The following CFAP206 variants were observed in gnomAD, a reference collection of about 807,000 sequenced individuals.
CFAP206 encodes cilia- and flagella-associated protein 206.
In CFAP206, 53 loss-of-function variants were observed where a neutral mutation model predicts 65.4. That is an observed-to-expected ratio of 0.81 (90% CI 0.65 to 1.02). The LOEUF (loss-of-function observed/expected upper bound fraction) is 1.02, where lower values mean the gene tolerates loss of function less well. Among genes scored for constraint, CFAP206 ranks in the 50% least tolerant of loss-of-function variants. The probability of loss-of-function intolerance (pLI) is 0.00; values close to 1 mark genes in which losing one functional copy is unlikely to be tolerated. For missense variants in CFAP206, 663 were observed against 753.2 expected (o/e 0.88, Z 1.40); for synonymous variants, 250 against 254.4 (o/e 0.98, Z 0.17).
At chr6:87,432,167 T>C (rs1768170320) in intron 10 of CFAP206, among the ~76,000 whole-genome samples, 1 of 152,220 alleles carries the variant, frequency 6.6e-6, no homozygotes, top group Admixed American at 6.5e-5. Context: ...ATTTTTTTCT[T>C]TATTTCTTTT....
chr6:87,413,879 G>A lies in CFAP206; in HGVS notation c.262G>A (p.Asp88Asn), dbSNP rs377042908. Residue 88 changes from aspartate (D) to asparagine (N), a missense_variant, in exon 4 of 13, where the codon GAT becomes AAT. Transcript: ENST00000369562. ...LDTIKMQVYFDMNYTNRVEFL... is the reference protein window; with the variant it reads ...LDTIKMQVYFNMNYTNRVEFL... ...CACTATTAAGATGCAAGTCTACTTCGATATGAATTATACGAATCGAGGTAA... is the reference window on the plus strand; with the variant it reads ...CACTATTAAGATGCAAGTCTACTTCAATATGAATTATACGAATCGAGGTAA... 7.8e-6 allele frequency: 12 copies of A among 1,545,956 alleles called. No individual in the cohort carries two copies. The highest frequency in any genetic ancestry group is 1.3e-5 in the South Asian group (1 of 77,462).
At chr6:87,412,040 A>C (rs1164501157) in intron 3 of CFAP206, among the ~76,000 whole-genome samples, 1 of 152,206 alleles carries the variant, frequency 6.6e-6, no homozygotes, top group Non-Finnish European at 1.5e-5. Flanking sequence ...GCAGAAAATA[A>C]GTTGTTCTCC....
chr6:87,424,325 G>A (rs896609958), intron 7 of CFAP206, among the ~76,000 whole-genome samples: 1 of 152,038 alleles, frequency 6.6e-6, no homozygotes, highest in Non-Finnish European at 1.5e-5. Context: ...TGTTGCCCAA[G>A]CTGGAGTGCA....
intron 11 of CFAP206, among the ~76,000 whole-genome samples, chr6:87,437,340 TC>T (rs923618946): frequency 2.0e-5 from 3 of 152,032 alleles, no homozygotes; most frequent in African/African-American, 7.2e-5. Flanking sequence ...TGTTCAGGTT[TC>T]CCCTTCTGTA....
At chr6:87,429,650 T>C (rs1768123884) in intron 9 of CFAP206, among the ~76,000 whole-genome samples, 1 of 152,164 alleles carries the variant, frequency 6.6e-6, no homozygotes, top group Non-Finnish European at 1.5e-5. Context: ...CTATCTTAGC[T>C]AAAGATACTT....
intron 11 of CFAP206, among the ~76,000 whole-genome samples, chr6:87,455,267 C>T (rs1334618412): frequency 6.6e-6 from 1 of 152,048 alleles, no homozygotes; most frequent in Non-Finnish European, 1.5e-5. Flanking sequence ...AAACAATACG[C>T]TCCTTAATGA....
chr6:87,432,565 G>A (rs1768178482), intron 10 of CFAP206, among the ~76,000 whole-genome samples: 1 of 152,142 alleles, frequency 6.6e-6, no homozygotes, highest in South Asian at 2.1e-4. Flanking sequence ...GCAATGATAT[G>A]GTTGGAAAAG....
intron 7 of CFAP206, 59 bp downstream of exon 7, chr6:87,418,475 C>T (rs1767876521): frequency 1.4e-6 from 2 of 1,420,240 alleles, no homozygotes; most frequent in South Asian, 2.3e-5. Context: ...TTATATAAGG[C>T]CACATCAGGT....
At position 87,448,649 on chromosome 6, in the gene CFAP206, C is replaced by T. The variant is rs574008821; in HGVS notation, c.1495-12373C>T. The stretch of plus-strand genomic sequence containing the variant: ...TTTGTCCCCATTAGCTAACCTCTCC[C>T]CATCCACTTCCCTTCCCAGCCTCTG... On this transcript the variant is annotated intron_variant, in intron 11 of 12. Transcript: ENST00000369562. Among the ~76,000 whole-genome samples the T allele has an allele frequency of 2.0e-5, 3 of 152,260 alleles. No individual in the cohort carries two copies. The East Asian group carries it at 5.8e-4, about 29-fold the overall frequency.
intron 11 of CFAP206, among the ~76,000 whole-genome samples, chr6:87,452,884 G>A (rs998048933): frequency 1.3e-5 from 2 of 152,044 alleles, no homozygotes; most frequent in African/African-American, 2.4e-5. Flanking sequence ...CCTTGAGAAG[G>A]TAGAGAAGAG....
Position 87,464,176 on chromosome 6 carries a change from G to T in CFAP206, c.1795G>T (p.Gly599Cys). The T allele has an allele frequency of 5.6e-6, 9 of 1,614,158 alleles. No homozygotes were observed. The highest frequency in any genetic ancestry group is 6.8e-6 in the Non-Finnish European group (8 of 1,180,020). ...GCCCAGGCCTCAGATTTACTTGGCT[G>T]GTCTTCGTGGAGGAAAGAGCGAAAT... ...GVPRPQIYLA[G>C]LRGGKSEITD... Residue 599 changes from glycine (G) to cysteine (C), a missense_variant, in exon 13 of 13, where the codon GGT becomes TGT. Gly to Cys is a radical substitution (Grantham distance 159). Coordinates refer to ENST00000369562, the MANE Select transcript of CFAP206 (RefSeq NM_001031743.3).
chr6:87,428,670 C>T lies in CFAP206; in HGVS notation c.1005C>T (p.Asp335=), dbSNP rs151002888. ...ALSTLWTSLQ[D]ETIVVGVLSN... ...CTACTCTGTGGACCAGCTTGCAAGACGAAACTATTGTGGTTGGTGTCCTCA... is the reference window on the plus strand; with the variant it reads ...CTACTCTGTGGACCAGCTTGCAAGATGAAACTATTGTGGTTGGTGTCCTCA... Residue 335 remains aspartate, a synonymous_variant, in exon 9 of 13, where the codon GAC becomes GAT. Coordinates refer to ENST00000369562, the MANE Select transcript of CFAP206 (RefSeq NM_001031743.3). The T allele has an allele frequency of 3.4e-4, 552 of 1,614,096 alleles. No homozygotes were observed. The highest frequency in any genetic ancestry group is 4.4e-4 in the Non-Finnish European group (514 of 1,180,018).
chr6:87,456,889 C>A (rs560977351), intron 11 of CFAP206, among the ~76,000 whole-genome samples: 1 of 152,126 alleles, frequency 6.6e-6, no homozygotes, highest in African/African-American at 2.4e-5. Flanking sequence ...GTGGCTCACA[C>A]CTGTAATCCC....
chr6:87,408,908 T>G (rs1240925954), intron 1 of CFAP206: 2 of 152,222 alleles, frequency 1.3e-5, no homozygotes, highest in African/African-American at 4.8e-5. Flanking sequence ...TTTATCTACC[T>G]GATATTGCCT....
At chr6:87,440,422 T>A (rs987217628) in intron 11 of CFAP206, among the ~76,000 whole-genome samples, 1 of 152,118 alleles carries the variant, frequency 6.6e-6, no homozygotes, top group African/African-American at 2.4e-5. Context: ...TCACAATATA[T>A]GCAAATGATA....
chr6:87,427,922 T>C (rs1244096586), intron 8 of CFAP206, among the ~76,000 whole-genome samples: 1 of 151,846 alleles, frequency 6.6e-6, no homozygotes, highest in African/African-American at 2.4e-5. Flanking sequence ...AGGTGTTAAC[T>C]TGGTGTCCTT....
chr6:87,448,751 C>T (rs778056935), intron 11 of CFAP206, among the ~76,000 whole-genome samples: 32 of 152,094 alleles, frequency 2.1e-4, no homozygotes, highest in Non-Finnish European at 3.7e-4. Context: ...ATGAGTGAAA[C>T]ATGTGATATT....
intron 7 of CFAP206, among the ~76,000 whole-genome samples, chr6:87,419,152 A>G (rs1767896184): frequency 6.6e-6 from 1 of 151,102 alleles, no homozygotes; most frequent in Non-Finnish European, 1.5e-5. Context: ...TTAAATATAG[A>G]TTGGAGTCTT....
chr6:87,447,003 G>C (rs555300403), intron 11 of CFAP206, among the ~76,000 whole-genome samples: 2 of 151,976 alleles, frequency 1.3e-5, no homozygotes, highest in African/African-American at 2.4e-5. Context: ...CTTGCCTGTC[G>C]TTGGTGTATA....
Sources: gnomAD v4.1 joint callset for allele counts (sites outside exome capture counted in the v4.1 genomes callset) on GRCh38, gnomAD v4.1.1 for gene constraint, MANE v1.5 for transcripts, NCBI Gene and HGNC (gene_info 2026-07-23, HGNC 2026-07-21) for gene names.